Variants in FAM120C observed in about 807,000 individuals in gnomAD.
FAM120C encodes the protein constitutive coactivator of PPAR-gamma-like protein 2.
In FAM120C, 14 loss-of-function variants were observed where a neutral mutation model predicts 71.2. The ratio of observed to expected loss-of-function variants is 0.20; its 90% CI spans 0.13 to 0.31. FAM120C has a LOEUF of 0.31. Ranked by LOEUF, FAM120C falls within the 10% of genes least tolerant of loss-of-function variation. The pLI is 1.00. For synonymous variants in FAM120C, 354 were observed against 353.2 expected, an observed-to-expected ratio of 1.00 and a Z score of -0.03; for missense variants, 500 against 879.0, an observed-to-expected ratio of 0.57 and a Z score of 5.45.
chrX:54,135,311 T>G (rs782537725), intron 6 of FAM120C, among the ~76,000 whole-genome samples, 200 bp from the exon 7 acceptor site: 2 of 111,830 alleles, frequency 1.8e-5, no homozygotes, highest in African/African-American at 6.5e-5. Flanking sequence ...CTCCTAGAAC[T>G]ATTCTCTGAT....
chrX:54,178,215 G>C (rs1460903830), intron 1 of FAM120C, among the ~76,000 whole-genome samples: 1 of 112,215 alleles, frequency 8.9e-6, no homozygotes, highest in Non-Finnish European at 1.9e-5. Context: ...AGAAAGGACA[G>C]GGATTACTAC....
chrX:54,126,029 G>A (rs1247695800), intron 9 of FAM120C, among the ~76,000 whole-genome samples: 4 of 111,976 alleles, frequency 3.6e-5, no homozygotes, highest in Non-Finnish European at 5.6e-5. Context: ...TATATAGAAA[G>A]GTAATCAATT....
rs1251712186 is a variant in FAM120C at position 54,134,911 on chromosome X, A to G, written c.1536T>C (p.Ser512=). Residue 512 remains serine, a synonymous_variant, in exon 7 of 16, where the codon TCT becomes TCC. Coordinates refer to ENST00000375180, the MANE Select transcript of FAM120C (RefSeq NM_017848.6). ...SASQFPNYLP[S]KASPPLGPDS... is the part of the protein sequence containing the mutation. ...CTGGTCCCAAAGGAGGTGAGGCTTTAGAAGGCAGGTAATTGGGAAACTGGG... is the reference window on the plus strand; with the variant it reads ...CTGGTCCCAAAGGAGGTGAGGCTTTGGAAGGCAGGTAATTGGGAAACTGGG... 7.4e-6 allele frequency: 9 copies of G among 1,209,691 alleles called. No homozygotes were observed. Among genetic ancestry groups the G allele is most frequent in the Admixed American group, 2.2e-5 (1 of 45,612 alleles).
At chrX:54,152,111 G>A (rs782339611) in intron 3 of FAM120C, among the ~76,000 whole-genome samples, 43 of 106,990 alleles carry the variant, frequency 4.0e-4, no homozygotes, top group African/African-American at 1.4e-3. Context: ...TCTGCTTCCC[G>A]GGTTGAAGCG....
chrX:54,115,022 G>C (rs1250030474), intron 10 of FAM120C, among the ~76,000 whole-genome samples: 1 of 111,401 alleles, frequency 9.0e-6, no homozygotes, highest in Non-Finnish European at 1.9e-5. Context: ...GCCTCCCAAA[G>C]TGCTAGGATT....
chrX:54,087,720 C>T lies in FAM120C; in HGVS notation c.2637+35G>A. 3.4e-6 allele frequency: 4 copies of T among 1,173,708 alleles called. No individual in the cohort carries two copies. The South Asian group carries it at 5.4e-5, about 16-fold the overall frequency. On this transcript the variant is annotated intron_variant, in intron 12 of 15. Coordinates refer to ENST00000375180, the MANE Select transcript of FAM120C (RefSeq NM_017848.6). ...CTGCCCATTCACTCCCACAGGAGAT[C>T]AGAGCTAGTCCTTAGCAGCCTGACA... is the stretch of plus-strand genomic sequence containing the variant.
intron 4 of FAM120C, among the ~76,000 whole-genome samples, chrX:54,147,118 C>G (rs782520013): frequency 9.0e-6 from 1 of 110,637 alleles, no homozygotes; most frequent in East Asian, 2.8e-4. Context: ...GAGTTCGAGA[C>G]CAGCCTGGCC....
In FAM120C at chrX:54,136,497, A is replaced by G. The variant is rs782497577; in HGVS notation, c.1252T>C (p.Phe418Leu). ...KLSSLPVGPSFLGFRNNRLGN... is the reference protein window; with the variant it reads ...KLSSLPVGPSLLGFRNNRLGN... ...GGTCAGATGGAAGCCTTACCTAGAA[A>G]GGAGGGACCCACTGGCAGCGAAGAG... The change falls in exon 5 of 16, where the codon TTT (phenylalanine) becomes CTT (leucine). Residue 418 changes from phenylalanine to leucine, a missense_variant. Phe to Leu is a conservative substitution (Grantham distance 22). Around this residue, in one of 11 missense-constraint regions of FAM120C, gnomAD observed 55 missense variants for 96.7 expected, o/e 0.57. Transcript: ENST00000375180. 1 of 1,204,153 alleles carries G rather than the reference A, an allele frequency of 8.3e-7. No homozygotes were observed. Among genetic ancestry groups the G allele is most frequent in the Admixed American group, 2.2e-5 (1 of 45,970 alleles).
chrX:54,165,377 A>G (rs1415506574), intron 1 of FAM120C, among the ~76,000 whole-genome samples: 2 of 111,869 alleles, frequency 1.8e-5, no homozygotes, highest in East Asian at 5.6e-4. Flanking sequence ...CAGTTTTTAG[A>G]TTAGAAAAGT....
In FAM120C at chrX:54,072,061, C is replaced by T. The variant is rs1367592544; in HGVS notation, c.*972G>A. On this transcript the variant is annotated 3_prime_UTR_variant, in exon 16 of 16. Transcript: ENST00000375180. ...ATAAAATATGTATAGATAAATAGATCTGTCTCTTTATATAAAGGGTATGTG... is the reference window on the plus strand; with the variant it reads ...ATAAAATATGTATAGATAAATAGATTTGTCTCTTTATATAAAGGGTATGTG... 1.9e-5 allele frequency: 2 copies of T among 103,302 alleles called. No homozygotes were observed. The highest frequency in any genetic ancestry group is 3.9e-5 in the Non-Finnish European group (2 of 50,765). 8.5% of individuals were successfully genotyped at this position (103,302 alleles called of 1,213,427 possible).
chrX:54,080,443 C>A (rs2066758651), intron 14 of FAM120C, among the ~76,000 whole-genome samples, 154 bp from the exon 15 acceptor site: 1 of 111,916 alleles, frequency 8.9e-6, no homozygotes, highest in Admixed American at 9.6e-5. Context: ...CTTGGTCATT[C>A]CTATATTGTA....
intron 13 of FAM120C, among the ~76,000 whole-genome samples, chrX:54,084,079 G>T (rs186869306): frequency 3.9e-4 from 43 of 111,435 alleles, no homozygotes; most frequent in African/African-American, 1.2e-3. Flanking sequence ...TCCTACTGTG[G>T]GCTTTCAGGA....
At chrX:54,159,853 T>C (rs1279252852) in intron 1 of FAM120C, among the ~76,000 whole-genome samples, 2 of 108,099 alleles carry the variant, frequency 1.9e-5, no homozygotes, top group Non-Finnish European at 3.8e-5. Flanking sequence ...TCCTCCCGCC[T>C]TGGCCTCCCA....
rs1291645528 is a variant in FAM120C at position 54,134,067 on chromosome X, G to A, written c.1617-21C>T. ...TATGACTAAAAAATGTAGAAAGACA[G>A]TGTCAAACAGAAAAGGGAGATTGAT... On this transcript the variant is annotated intron_variant, in intron 7 of 15. Coordinates refer to ENST00000375180, the MANE Select transcript of FAM120C (RefSeq NM_017848.6). 5.0e-6 allele frequency: 6 copies of A among 1,192,395 alleles called. No individual in the cohort carries two copies. In the East Asian group the frequency reaches 1.5e-4, roughly 30 times the overall value.
intron 1 of FAM120C, among the ~76,000 whole-genome samples, chrX:54,168,882 T>C (rs782527728): frequency 1.8e-5 from 2 of 112,342 alleles, no homozygotes; most frequent in East Asian, 5.6e-4. Context: ...CCCCTCCCTC[T>C]CTTTTATTTA....
At chrX:54,099,752 C>A (rs1377468453) in intron 10 of FAM120C, among the ~76,000 whole-genome samples, 1 of 112,202 alleles carries the variant, frequency 8.9e-6, no homozygotes, top group African/African-American at 3.2e-5. Context: ...TATCTTGGCA[C>A]CCTTGTCAAA....
chrX:54,163,154 A>G (rs1270973239), intron 1 of FAM120C, among the ~76,000 whole-genome samples: 1 of 111,982 alleles, frequency 8.9e-6, no homozygotes, highest in Admixed American at 9.6e-5. Context: ...ATATGATCCA[A>G]TGATTTCACT....
chrX:54,151,834 G>C (rs1252863815), intron 3 of FAM120C, among the ~76,000 whole-genome samples: 4 of 111,331 alleles, frequency 3.6e-5, no homozygotes, highest in Admixed American at 1.9e-4. Context: ...TTATGCTTAT[G>C]TAAGAAAATG....
At chrX:54,144,725 A>G (rs1402889412) in intron 4 of FAM120C, among the ~76,000 whole-genome samples, 3 of 112,530 alleles carry the variant, frequency 2.7e-5, no homozygotes, top group East Asian at 5.5e-4. Flanking sequence ...AATATTGTGA[A>G]AATGGCCATA....
Sources: allele counts gnomAD v4.1 joint callset (sites outside exome capture counted in the v4.1 genomes callset), GRCh38; gene constraint gnomAD v4.1.1; regional missense constraint gnomAD v4.1.1; transcripts MANE v1.5; gene names NCBI Gene and HGNC (gene_info 2026-07-23, HGNC 2026-07-21).